FCRL2: variants seen among roughly 807,000 people sequenced by gnomAD.
The protein encoded by FCRL2 is Fc receptor-like protein 2.
A neutral mutation model predicts 59.8 loss-of-function variants in FCRL2; 48 were observed. The observed-to-expected ratio is 0.80, with a 90% CI of 0.64 to 1.02. The LOEUF (loss-of-function observed/expected upper bound fraction) is 1.02, where lower values mean the gene tolerates loss of function less well. FCRL2 is among the 50% of genes least tolerant of loss of function. The pLI is 0.00. For synonymous variants in FCRL2, 251 were observed against 229.5 expected (o/e 1.09, Z -0.85); for missense variants, 658 against 597.3 (o/e 1.10, Z -1.06).
chr1:157,768,541 G>C lies in FCRL2; in HGVS notation c.756C>G (p.Thr252=), dbSNP rs754082955. ...CCAGCTCTGCTGACAGGGAACGCTG[G>C]GTTTTCTTTCCCATACTGGTTCCTG... The part of the protein sequence containing the change: ...EATGTSMGKK[T]QRSLSAELEI... The change falls in exon 5 of 12, where the codon ACC becomes ACG. Residue 252 remains threonine, a synonymous_variant. Transcript: ENST00000361516. 4 of 1,614,062 alleles carry C rather than the reference G, an allele frequency of 2.5e-6. No individual in the cohort carries two copies. The Admixed American group carries it at 5.0e-5, about 20-fold the overall frequency.
Position 157,748,882 on chromosome 1 carries a change from A to C in FCRL2, c.1386T>G (p.Tyr462Ter), listed in dbSNP as rs771923702. 5.0e-6 allele frequency: 8 copies of C among 1,613,514 alleles called. No homozygotes were observed. Among genetic ancestry groups the C allele is most frequent in the Non-Finnish European group, 6.8e-6 (8 of 1,179,796 alleles). ...TPDMEELQPV[Y>*]VNVGSVDVDV... ...CCCAGTGGAGACACTCACCATTGAC[A>C]TACACTGGCTGCAGCTCCTCCATGT... Residue 462 changes from tyrosine to a stop codon, truncating the protein, a stop_gained, in exon 9 of 12, where the codon TAT becomes TAG. Coordinates refer to ENST00000361516, the MANE Select transcript of FCRL2 (RefSeq NM_030764.4). LOFTEE classifies it high-confidence loss of function.
intron 7 of FCRL2, among the ~76,000 whole-genome samples, chr1:157,755,897 G>A (rs1399138791): frequency 6.6e-6 from 1 of 152,182 alleles, no homozygotes; most frequent in African/African-American, 2.4e-5. Flanking sequence ...GGAACCAAGA[G>A]GTCCAGGAAC....
chr1:157,749,858 T>C (rs1436680547), intron 7 of FCRL2, among the ~76,000 whole-genome samples, 181 bp from the exon 8 acceptor site: 3 of 152,230 alleles, frequency 2.0e-5, no homozygotes, highest in Non-Finnish European at 4.4e-5. Flanking sequence ...AGTAAAATAA[T>C]TCATTCTTTT....
chr1:157,747,087 C>T (rs930078228), intron 10 of FCRL2, among the ~76,000 whole-genome samples, 188 bp from the exon 11 acceptor site: 8 of 152,216 alleles, frequency 5.3e-5, no homozygotes, highest in African/African-American at 1.9e-4. Context: ...ATCTTCCAAG[C>T]CCTCCACCAG....
intron 7 of FCRL2, among the ~76,000 whole-genome samples, chr1:157,757,530 T>C (rs1018266405): frequency 2.6e-5 from 4 of 152,184 alleles, no homozygotes; most frequent in Admixed American, 1.3e-4. Context: ...TCTTTCTCTC[T>C]GCATGTACAC....
intron 7 of FCRL2, among the ~76,000 whole-genome samples, chr1:157,764,711 CT>C (rs1303227222): frequency 1.3e-5 from 2 of 152,134 alleles, no homozygotes; most frequent in African/African-American, 2.4e-5. Context: ...AAACAACATG[CT>C]GCTAAACAAC....
At chr1:157,776,393 C>G (rs1650415563) in intron 1 of FCRL2, among the ~76,000 whole-genome samples, 1 of 152,098 alleles carries the variant, frequency 6.6e-6, no homozygotes, top group Non-Finnish European at 1.5e-5. Context: ...CCTCAGCTTC[C>G]CGAGTAGCTG....
chr1:157,759,941 G>A (rs751924023), intron 7 of FCRL2, among the ~76,000 whole-genome samples: 4 of 152,028 alleles, frequency 2.6e-5, no homozygotes, highest in Non-Finnish European at 5.9e-5. Context: ...TCCATTACTG[G>A]GTATATTCCC....
intron 2 of FCRL2, among the ~76,000 whole-genome samples, chr1:157,771,884 T>G (rs1421769521): frequency 6.6e-6 from 1 of 152,036 alleles, no homozygotes; most frequent in African/African-American, 2.4e-5. Flanking sequence ...TGGTGACTCA[T>G]AAAATACTAC....
intron 7 of FCRL2, among the ~76,000 whole-genome samples, chr1:157,749,950 T>C (rs1248111980): frequency 5.9e-5 from 9 of 152,258 alleles, no homozygotes; most frequent in Non-Finnish European, 1.2e-4. Flanking sequence ...TATTCTGTTC[T>C]ATTGTCTCTT....
chr1:157,774,380 T>A (rs1650252135), intron 2 of FCRL2: 1 of 454,772 alleles, frequency 2.2e-6, no homozygotes, highest in Non-Finnish European at 4.4e-6. Context: ...AAAGCCATGA[T>A]TTCAATTTGG....
Position 157,769,792 on chromosome 1 carries a change from C to G in FCRL2, c.595+74G>C, listed in dbSNP as rs183242060. On this transcript the variant is annotated intron_variant, in intron 4 of 11. Transcript: ENST00000361516. Reference sequence around the variant, plus strand: ...CAAGGACAGGAGTTGAACAAAGAAACAGACTAGTAGTCCAAGCTGAAGCTA... The same window carrying G: ...CAAGGACAGGAGTTGAACAAAGAAAGAGACTAGTAGTCCAAGCTGAAGCTA... 1.9e-5 allele frequency: 28 copies of G among 1,506,906 alleles called. No homozygotes were observed. The East Asian group carries it at 5.5e-4, about 29-fold the overall frequency. The allele number at this position is 1,506,906 out of a possible 1,614,324, so 93.3% of individuals were successfully genotyped here. A position where few individuals can be genotyped will look rare whatever the true frequency, so the allele number is the denominator to read the frequency against.
intron 2 of FCRL2, among the ~76,000 whole-genome samples, chr1:157,774,637 A>G (rs1650271524): frequency 1.3e-5 from 2 of 152,174 alleles, no homozygotes; most frequent in African/African-American, 4.8e-5. Context: ...AACCTCCTGA[A>G]TATTGATCGA....
chr1:157,772,473 G>T (rs1650095356), intron 2 of FCRL2, among the ~76,000 whole-genome samples: 1 of 152,176 alleles, frequency 6.6e-6, no homozygotes, highest in Non-Finnish European at 1.5e-5. Flanking sequence ...GCAGCAGGGT[G>T]AGCCGGCTTG....
chr1:157,773,990 A>T (rs1650220443), intron 2 of FCRL2, among the ~76,000 whole-genome samples: 1 of 152,226 alleles, frequency 6.6e-6, no homozygotes, highest in Non-Finnish European at 1.5e-5. Context: ...TAGGCAGAGC[A>T]AATAAATAGG....
intron 7 of FCRL2, among the ~76,000 whole-genome samples, chr1:157,760,698 G>GGAAAGAAAGAAATAAAGAAAGAA (rs1553203602): frequency 3.2e-4 from 31 of 97,286 alleles, no homozygotes; most frequent in African/African-American, 1.2e-3. Flanking sequence ...AAAGAAAGAA[G>GGAAAGAAAGAAATAAAGAAAGAA]GAAAGAAAGA....
At chr1:157,771,542 A>G (rs1303002671) in intron 2 of FCRL2, among the ~76,000 whole-genome samples, 2 of 152,188 alleles carry the variant, frequency 1.3e-5, no homozygotes, top group Admixed American at 1.3e-4. Context: ...AGTGAAGTAG[A>G]GATTATTTTT....
intron 7 of FCRL2, among the ~76,000 whole-genome samples, chr1:157,758,767 GA>G (rs986035421): frequency 7.3e-6 from 1 of 137,092 alleles, no homozygotes; most frequent in African/African-American, 2.8e-5. Context: ...AACCAAATAA[GA>G]AATAAAGCCA....
Position 157,746,893 on chromosome 1 carries a change from A to T in FCRL2, c.1466T>A (p.Ile489Asn), listed in dbSNP as rs1282027150. 8.1e-6 allele frequency: 13 copies of T among 1,613,632 alleles called. No individual in the cohort carries two copies. The highest frequency in any genetic ancestry group is 1.1e-5 in the Non-Finnish European group (13 of 1,180,010). The change falls in exon 11 of 12, where the codon ATC (isoleucine) becomes AAC (asparagine). Residue 489 changes from isoleucine to asparagine, a missense_variant. Coordinates refer to ENST00000361516, the MANE Select transcript of FCRL2 (RefSeq NM_030764.4). The part of the protein sequence containing the change: ...SMQQPESSAN[I>N]RTLLENKDSQ... ...CACCTTGTTCTCCAGAAGTGTCCTG[A>T]TGTTTGCTGTTAAGGAAAAAGTAAT...
Sources: gnomAD v4.1 joint callset for allele counts (sites outside exome capture counted in the v4.1 genomes callset) on GRCh38, gnomAD v4.1.1 for gene constraint, MANE v1.5 for transcripts, NCBI Gene and HGNC (gene_info 2026-07-23, HGNC 2026-07-21) for gene names.